HSPA4: variants seen among roughly 807,000 people sequenced by gnomAD.
HSPA4 encodes the protein heat shock protein family A (Hsp70) member 4.
Under a neutral mutation model 106.2 loss-of-function variants are expected in HSPA4, and 25 were observed. The ratio of observed to expected loss-of-function variants is 0.24; its 90% CI spans 0.17 to 0.33. The LOEUF (loss-of-function observed/expected upper bound fraction) is 0.33, where lower values mean the gene tolerates loss of function less well. Among genes scored for constraint, HSPA4 ranks in the 10% least tolerant of loss-of-function variants. The pLI is 1.00. For synonymous variants in HSPA4, 332 were observed against 333.6 expected (o/e 1.00, Z 0.05); for missense variants, 841 against 996.0 (o/e 0.84, Z 2.10).
intron 4 of HSPA4, among the ~76,000 whole-genome samples, chr5:133,072,665 C>G (rs1049210731): frequency 2.6e-5 from 4 of 151,834 alleles, no homozygotes; most frequent in Admixed American, 6.6e-5. Context: ...CCACGGCCCC[C>G]CAAAGTGCTG....
chr5:133,097,634 C>T (rs1375142491), intron 15 of HSPA4, among the ~76,000 whole-genome samples: 3 of 150,256 alleles, frequency 2.0e-5, no homozygotes, highest in East Asian at 1.9e-4. Context: ...CTGCAGCCTC[C>T]GCCTCCCAGG....
intron 7 of HSPA4, among the ~76,000 whole-genome samples, chr5:133,078,012 A>T (rs561982545): frequency 2.0e-5 from 3 of 152,314 alleles, no homozygotes; most frequent in East Asian, 3.9e-4. Context: ...TTTTTTAAAA[A>T]CTGAATTTGC....
In HSPA4 at chr5:133,076,758, T is replaced by C. The variant is rs747944040; in HGVS notation, c.768T>C (p.Ile256=). 10 of 1,613,898 alleles carry C rather than the reference T, an allele frequency of 6.2e-6. No homozygotes were observed. The African/African-American group carries it at 1.3e-4, about 22-fold the overall frequency. The change falls in exon 7 of 19, where the codon ATT becomes ATC. Residue 256 remains isoleucine (I), a synonymous_variant. Transcript: ENST00000304858. ...TTGGGAAGAAATACAAGCTAGACAT[T>C]AAGTCCAAAATCCGTGCATTATTAC... The part of the protein sequence containing the change: ...EEFGKKYKLD[I]KSKIRALLRL...
At position 133,091,356 on chromosome 5, in the gene HSPA4, G is replaced by C. The variant is rs1170305239; in HGVS notation, c.1542G>C (p.Gln514His). The change falls in exon 12 of 19, where the codon CAG (glutamine) becomes CAC (histidine). Residue 514 changes from glutamine (Q) to histidine (H), a missense_variant. Around this residue, in one of 5 missense-constraint regions of HSPA4, gnomAD observed 3 missense variants for 19.3 expected, o/e 0.16. Coordinates refer to ENST00000304858, the MANE Select transcript of HSPA4 (RefSeq NM_002154.4). The part of the protein sequence containing the change: ...EENEEPMETD[Q>H]NAKEEEKMQV... ...ATGAGGAGCCAATGGAAACAGATCAGAATGCAAAGGAGGAAGAGGTAATCT... is the reference window on the plus strand; with the variant it reads ...ATGAGGAGCCAATGGAAACAGATCACAATGCAAAGGAGGAAGAGGTAATCT... 3 of 1,613,298 alleles carry C rather than the reference G, an allele frequency of 1.9e-6. No homozygotes were observed. Among genetic ancestry groups the C allele is most frequent in the South Asian group, 2.2e-5 (2 of 90,948 alleles).
chr5:133,068,730 G>T (rs899512793), intron 3 of HSPA4, among the ~76,000 whole-genome samples: 13 of 152,150 alleles, frequency 8.5e-5, no homozygotes, highest in African/African-American at 3.1e-4. Context: ...GTTAAAAAGG[G>T]AGGTGAAGAA....
At chr5:133,059,734 TTCCTGTA>T (rs1765214723) in intron 1 of HSPA4, among the ~76,000 whole-genome samples, 2 of 152,292 alleles carry the variant, frequency 1.3e-5, no homozygotes, top group South Asian at 4.1e-4. Context: ...GAATCAGCTC[TTCCTGTA>T]TACTAATCCC....
intron 13 of HSPA4, among the ~76,000 whole-genome samples, chr5:133,093,835 T>C (rs1472051186): frequency 6.6e-6 from 1 of 152,166 alleles, no homozygotes; most frequent in Non-Finnish European, 1.5e-5. Flanking sequence ...TGGTTCATGC[T>C]TGTAATCCCA....
In HSPA4 at chr5:133,105,076, C is replaced by T. The variant is rs1263502556; in HGVS notation, c.*640C>T. 2.0e-5 allele frequency: 3 copies of T among 152,244 alleles called. No individual in the cohort carries two copies. The highest frequency in any genetic ancestry group is 7.2e-5 in the African/African-American group (3 of 41,438). 9.4% of individuals were successfully genotyped at this position (152,244 alleles called of 1,614,324 possible). A position where few individuals can be genotyped will look rare whatever the true frequency, so the allele number is the denominator to read the frequency against. ...CCCCTTGCCTAGAGTAAGTTGTTAA[C>T]TGAGGGCTTTAAACCTGGAGGCTCT... On this transcript the variant is annotated 3_prime_UTR_variant, in exon 19 of 19. Transcript: ENST00000304858.
At position 133,091,379 on chromosome 5, in the gene HSPA4, T is replaced by C. The variant is rs753992451; in HGVS notation, c.1560+5T>C. 4 of 1,608,606 alleles carry C rather than the reference T, an allele frequency of 2.5e-6. No individual in the cohort carries two copies. In the South Asian group the frequency reaches 3.3e-5, roughly 13 times the overall value. On this transcript the variant is annotated splice_donor_5th_base_variant and intron_variant, in intron 12 of 18. Transcript: ENST00000304858. Reference sequence around the variant, plus strand: ...CAGAATGCAAAGGAGGAAGAGGTAATCTAGACATTGTATACCACTTGTGAT... The same window carrying C: ...CAGAATGCAAAGGAGGAAGAGGTAACCTAGACATTGTATACCACTTGTGAT...
At chr5:133,098,583 A>G (rs1765744614) in intron 15 of HSPA4, among the ~76,000 whole-genome samples, 2 of 151,706 alleles carry the variant, frequency 1.3e-5, no homozygotes, top group Admixed American at 1.3e-4. Context: ...TCGGCCTCCC[A>G]GAGTGCTGGG....
At chr5:133,068,848 T>G (rs1765345645) in intron 3 of HSPA4, among the ~76,000 whole-genome samples, 1 of 152,006 alleles carries the variant, frequency 6.6e-6, no homozygotes, top group African/African-American at 2.4e-5. Flanking sequence ...GGAAGAAGAT[T>G]TGGGAAACAA....
intron 1 of HSPA4, among the ~76,000 whole-genome samples, chr5:133,060,613 C>T (rs1434718113): frequency 1.3e-5 from 2 of 152,142 alleles, no homozygotes; most frequent in East Asian, 1.9e-4. Context: ...CTGCCCACCT[C>T]GGCCTCTCAA....
intron 1 of HSPA4, among the ~76,000 whole-genome samples, chr5:133,061,629 C>T (rs1765244559): frequency 6.6e-6 from 1 of 151,876 alleles, no homozygotes; most frequent in Admixed American, 6.6e-5. Context: ...TACCACCCCT[C>T]CCCACCACCC....
At chr5:133,078,311 G>A (rs1195825321) in intron 7 of HSPA4, among the ~76,000 whole-genome samples, 3 of 148,548 alleles carry the variant, frequency 2.0e-5, no homozygotes, top group Admixed American at 6.7e-5. Flanking sequence ...CAGCCTGGGC[G>A]ACAGTGAGAC....
At chr5:133,066,745 T>G (rs1489075691) in intron 2 of HSPA4, among the ~76,000 whole-genome samples, 9 of 151,078 alleles carry the variant, frequency 6.0e-5, no homozygotes, top group African/African-American at 2.2e-4. Flanking sequence ...TCTTTTTTTT[T>G]TTTTTTTTGA....
At chr5:133,089,350 A>C (rs1765616205) in intron 10 of HSPA4, among the ~76,000 whole-genome samples, 189 bp downstream of exon 10, 1 of 152,158 alleles carries the variant, frequency 6.6e-6, no homozygotes, top group African/African-American at 2.4e-5. Context: ...ATTCTGCTGA[A>C]ATCATCAGTG....
At chr5:133,058,964 C>T (rs1368750011) in intron 1 of HSPA4, among the ~76,000 whole-genome samples, 3 of 151,586 alleles carry the variant, frequency 2.0e-5, no homozygotes, top group Non-Finnish European at 4.4e-5. Flanking sequence ...CCTGCCTCTA[C>T]TAAAGATACA....
In HSPA4 at chr5:133,061,736, C is replaced by T. The variant is rs559706210; in HGVS notation, c.108-3244C>T. Among the ~76,000 whole-genome samples the T allele has an allele frequency of 3.9e-5, 6 of 152,192 alleles. No individual in the cohort carries two copies. In the East Asian group the frequency reaches 1.2e-3, roughly 29 times the overall value. ...CTGGGTTCAAGCGATTCTGGTGCCT[C>T]AGCCTCCCGAGTAGCTGGGACTACA... On this transcript the variant is annotated intron_variant, in intron 1 of 18. Coordinates refer to ENST00000304858, the MANE Select transcript of HSPA4 (RefSeq NM_002154.4).
At chr5:133,067,759 A>G (rs1168711376) in intron 3 of HSPA4, among the ~76,000 whole-genome samples, 1 of 152,054 alleles carries the variant, frequency 6.6e-6, no homozygotes, top group Non-Finnish European at 1.5e-5. Context: ...TGCTCTTAAT[A>G]TGGGTTGGAG....
Sources: allele counts gnomAD v4.1 joint callset (sites outside exome capture counted in the v4.1 genomes callset), GRCh38; gene constraint gnomAD v4.1.1; regional missense constraint gnomAD v4.1.1; transcripts MANE v1.5; gene names NCBI Gene and HGNC (gene_info 2026-07-23, HGNC 2026-07-21).